Variants in PDS5A observed in about 807,000 individuals in gnomAD.
PDS5A encodes PDS5 cohesin associated factor A.
A neutral mutation model predicts 167.1 loss-of-function variants in PDS5A; 42 were observed. That is an observed-to-expected ratio of 0.25 (90% CI 0.20 to 0.33). The LOEUF is 0.33. PDS5A is among the 10% of genes least tolerant of loss of function. The pLI is 1.00. For synonymous variants in PDS5A, 553 were observed against 554.6 expected (o/e 1.00, Z 0.04); for missense variants, 1,033 against 1,605.9 (o/e 0.64, Z 6.10).
chr4:39,917,320 GGT>G (rs756548735), intron 7 of PDS5A, 132 bp from the exon 8 acceptor site: 42 of 530,914 alleles, frequency 7.9e-5, no homozygotes, highest in African/African-American at 4.2e-4. Flanking sequence ...GATACAAACA[GGT>G]GTGTGATTAC....
chr4:39,825,584 C>CT (rs200023345), intron 32 of PDS5A, 96 bp from the exon 33 acceptor site: 16,108 of 672,994 alleles, frequency 0.024, 13 homozygotes, highest in African/African-American at 0.029. Context: ...TATCTAAAAT[C>CT]TTTTTTTTTT....
intron 2 of PDS5A, among the ~76,000 whole-genome samples, chr4:39,941,645 A>G (rs1727234230): frequency 6.6e-6 from 1 of 152,202 alleles, no homozygotes. Context: ...CTAACTTTGG[A>G]GTTTAGCACA....
intron 17 of PDS5A, among the ~76,000 whole-genome samples, chr4:39,882,450 A>G (rs1467885901): frequency 6.6e-6 from 1 of 152,218 alleles, no homozygotes; most frequent in African/African-American, 2.4e-5. Flanking sequence ...TATTTTAAAG[A>G]TTCATTCAAT....
At chr4:39,959,358 T>G (rs1364526689) in intron 2 of PDS5A, among the ~76,000 whole-genome samples, 3 of 152,128 alleles carry the variant, frequency 2.0e-5, no homozygotes, top group South Asian at 2.1e-4. Flanking sequence ...TCTAAATTTT[T>G]TTGTTGTTGT....
intron 23 of PDS5A, among the ~76,000 whole-genome samples, chr4:39,863,730 A>C (rs1391277424): frequency 3.9e-5 from 6 of 152,144 alleles, no homozygotes; most frequent in Non-Finnish European, 8.8e-5. Flanking sequence ...ACAACCCAAA[A>C]ACTCTGCTTA....
chr4:39,913,199 C>T (rs1199535190), intron 9 of PDS5A, among the ~76,000 whole-genome samples: 5 of 151,982 alleles, frequency 3.3e-5, no homozygotes, highest in Non-Finnish European at 7.4e-5. Context: ...ATTCTCCCGC[C>T]TCAGCCTCTT....
chr4:39,935,691 A>C (rs1303653759), intron 2 of PDS5A, among the ~76,000 whole-genome samples: 4 of 152,194 alleles, frequency 2.6e-5, no homozygotes, highest in Non-Finnish European at 4.4e-5. Context: ...AAAGTTTTGA[A>C]ATCAGGTAGT....
At chr4:39,860,426 C>T (rs1007615587) in intron 26 of PDS5A, among the ~76,000 whole-genome samples, 1 of 151,212 alleles carries the variant, frequency 6.6e-6, no homozygotes, top group Non-Finnish European at 1.5e-5. Context: ...GATCATTCCA[C>T]TGCACTCCAG....
chr4:39,967,413 C>A (rs1246072908), intron 2 of PDS5A, among the ~76,000 whole-genome samples: 1 of 152,076 alleles, frequency 6.6e-6, no homozygotes, highest in African/African-American at 2.4e-5. Context: ...TTTCGGAAGC[C>A]GAGGTGGGTG....
chr4:39,897,660 A>G (rs1464060928), intron 16 of PDS5A, among the ~76,000 whole-genome samples: 3 of 152,132 alleles, frequency 2.0e-5, no homozygotes, highest in Non-Finnish European at 4.4e-5. Context: ...TGGACTCCCA[A>G]GGTGCTGGGA....
intron 14 of PDS5A, among the ~76,000 whole-genome samples, chr4:39,899,039 A>C (rs2109645778): frequency 6.6e-6 from 1 of 152,370 alleles, no homozygotes; most frequent in Non-Finnish European, 1.5e-5. Context: ...ATAGAAGGAA[A>C]GGAGATGTTG....
chr4:39,880,144 T>C lies in PDS5A; in HGVS notation c.1887-311A>G, dbSNP rs1238397467. Reference sequence around the variant, plus strand: ...CCATATATACAGAGATCATTTTCAGTTTTAAGAAAAATAATAATATAGTAG... The same window carrying C: ...CCATATATACAGAGATCATTTTCAGCTTTAAGAAAAATAATAATATAGTAG... On this transcript the variant is annotated intron_variant, in intron 17 of 32. Coordinates refer to ENST00000303538, the MANE Select transcript of PDS5A (RefSeq NM_001100399.2). Among the ~76,000 whole-genome samples, 3 of 150,464 alleles carry C rather than the reference T, an allele frequency of 2.0e-5. No individual in the cohort carries two copies. The East Asian group carries it at 6.0e-4, about 30-fold the overall frequency.
chr4:39,889,536 C>T (rs1391861054), intron 17 of PDS5A, among the ~76,000 whole-genome samples: 1 of 152,110 alleles, frequency 6.6e-6, no homozygotes, highest in African/African-American at 2.4e-5. Flanking sequence ...TGCATAGTAA[C>T]TGAATATGGA....
chr4:39,930,755 G>A (rs1170769640), intron 2 of PDS5A, among the ~76,000 whole-genome samples: 1 of 151,960 alleles, frequency 6.6e-6, no homozygotes, highest in Non-Finnish European at 1.5e-5. Flanking sequence ...AGTAAGACTG[G>A]TTTTATTTCT....
At chr4:39,837,568 A>T in intron 32 of PDS5A, 1 of 318,464 alleles carries the variant, frequency 3.1e-6, no homozygotes, top group Non-Finnish European at 5.7e-6. Flanking sequence ...CAACCACTTG[A>T]AAGGCACTAA....
chr4:39,968,829 G>C (rs1730235171), intron 2 of PDS5A, among the ~76,000 whole-genome samples: 1 of 151,504 alleles, frequency 6.6e-6, no homozygotes, highest in South Asian at 2.1e-4. Flanking sequence ...AGGCTGGAGT[G>C]CAGTGGCGTG....
chr4:39,925,620 C>T (rs1460292293), intron 5 of PDS5A, among the ~76,000 whole-genome samples: 3 of 152,128 alleles, frequency 2.0e-5, no homozygotes. Context: ...ACTGAAGAGC[C>T]AACCAGTAAA....
At chr4:39,910,376 C>T (rs1723784481) in intron 9 of PDS5A, 38 bp from the exon 10 acceptor site, 1 of 976,132 alleles carries the variant, frequency 1.0e-6, no homozygotes, top group African/African-American at 1.6e-5. Flanking sequence ...AATTGTAAGG[C>T]AAAATAATCA....
chr4:39,946,369 G>A (rs1027101307), intron 2 of PDS5A, among the ~76,000 whole-genome samples: 25 of 152,118 alleles, frequency 1.6e-4, no homozygotes, highest in Non-Finnish European at 3.5e-4. Context: ...CTACAGGCAC[G>A]ATGAGAAACG....
Sources: allele counts gnomAD v4.1 joint callset (sites outside exome capture counted in the v4.1 genomes callset), GRCh38; gene constraint gnomAD v4.1.1; transcripts MANE v1.5; gene names NCBI Gene and HGNC (gene_info 2026-07-23, HGNC 2026-07-21).